The following SLC4A5 variants were observed in gnomAD, a reference collection of about 807,000 sequenced individuals.
SLC4A5 encodes the protein electrogenic sodium bicarbonate cotransporter 4.
In SLC4A5, 96 loss-of-function variants were observed where a neutral mutation model predicts 120.4. The ratio of observed to expected loss-of-function variants is 0.80; its 90% CI spans 0.68 to 0.94. SLC4A5 has a LOEUF of 0.94. Among genes scored for constraint, SLC4A5 ranks in the 40% least tolerant of loss-of-function variants. The pLI is 0.00. For synonymous variants in SLC4A5, 550 were observed against 571.1 expected, an observed-to-expected ratio of 0.96 and a Z score of 0.53; for missense variants, 1,259 against 1,459.5, an observed-to-expected ratio of 0.86 and a Z score of 2.24.
At chr2:74,297,368 C>G (rs1672361406) in intron 7 of SLC4A5, among the ~76,000 whole-genome samples, 1 of 152,192 alleles carries the variant, frequency 6.6e-6, no homozygotes, top group African/African-American at 2.4e-5. Flanking sequence ...TAGGACCGAT[C>G]TGGTTTTAGC....
chr2:74,293,721 A>T (rs931226462), intron 7 of SLC4A5, among the ~76,000 whole-genome samples: 1 of 151,190 alleles, frequency 6.6e-6, no homozygotes, highest in Non-Finnish European at 1.5e-5. Context: ...TAATATAAAC[A>T]ATCTCTCCCC....
At chr2:74,284,907 AT>A (rs1470063959) in intron 8 of SLC4A5, among the ~76,000 whole-genome samples, 4 of 152,008 alleles carry the variant, frequency 2.6e-5, no homozygotes, top group African/African-American at 9.7e-5. Context: ...AGCCCTCTCC[AT>A]CTGGATTTTT....
chr2:74,250,389 G>A lies in SLC4A5; in HGVS notation c.1607C>T (p.Ala536Val), dbSNP rs147719013. 131 of 1,614,128 alleles carry A rather than the reference G, an allele frequency of 8.1e-5. No homozygotes were observed. In the African/African-American group the frequency reaches 1.5e-3, roughly 19 times the overall value. Reference sequence around the variant, plus strand: ...CCCCAGAAGCCCACCAAAGGTGATCGCGTTGGTGATACAGCCGAGGTAGAT... The same window carrying A: ...CCCCAGAAGCCCACCAAAGGTGATCACGTTGGTGATACAGCCGAGGTAGAT... Residue 536 changes from alanine to valine, a missense_variant, in exon 17 of 31, where the codon GCG becomes GTG. Coordinates refer to ENST00000394019, the Ensembl canonical transcript of SLC4A5.
chr2:74,316,692 T>C (rs1672975738), intron 5 of SLC4A5, among the ~76,000 whole-genome samples: 1 of 152,216 alleles, frequency 6.6e-6, no homozygotes, highest in African/African-American at 2.4e-5. Flanking sequence ...TCTTTTCCTC[T>C]AGCAGCTAAG....
chr2:74,325,083 T>C (rs979094180), intron 5 of SLC4A5, among the ~76,000 whole-genome samples: 3 of 152,358 alleles, frequency 2.0e-5, no homozygotes, highest in Admixed American at 6.5e-5. Context: ...TTTCTCATGT[T>C]TGAGTTGGGC....
In SLC4A5 at chr2:74,326,496, G is replaced by A. The variant is rs1673219443; in HGVS notation, c.-3+1624C>T. Among the ~76,000 whole-genome samples, 5 of 152,110 alleles carry A rather than the reference G, an allele frequency of 3.3e-5. No homozygotes were observed. In the South Asian group the frequency reaches 1.0e-3, roughly 32 times the overall value. On this transcript the variant is annotated intron_variant, in intron 5 of 30. Coordinates refer to ENST00000394019, the Ensembl canonical transcript of SLC4A5. ...ACCACTAGCCTGAAATCACATCTGG[G>A]ATCCCTGAGAATCCAAAACCCTACT...
At chr2:74,325,338 A>G (rs1037664562) in intron 5 of SLC4A5, among the ~76,000 whole-genome samples, 9 of 152,224 alleles carry the variant, frequency 5.9e-5, no homozygotes, top group South Asian at 2.1e-4. Context: ...ATATTCAGGT[A>G]GATGCATACC....
intron 12 of SLC4A5, 121 bp from the exon 13 acceptor site, chr2:74,256,053 C>G: frequency 9.2e-7 from 1 of 1,092,748 alleles, no homozygotes; most frequent in Non-Finnish European, 1.3e-6. Flanking sequence ...TGCCAAGAGA[C>G]TGAAAGAATA....
chr2:74,227,496 G>C, intron 26 of SLC4A5: 1 of 1,607,530 alleles, frequency 6.2e-7, no homozygotes, highest in Non-Finnish European at 8.5e-7. Context: ...GGAAGAGAGA[G>C]AGGTACAGTG....
At chr2:74,298,774 A>C (rs900080456) in intron 7 of SLC4A5, among the ~76,000 whole-genome samples, 1 of 152,220 alleles carries the variant, frequency 6.6e-6, no homozygotes, top group South Asian at 2.1e-4. Flanking sequence ...AGCCAGATAC[A>C]GTGGCATGTG....
At chr2:74,329,467 T>TA (rs1249221949) in intron 4 of SLC4A5, among the ~76,000 whole-genome samples, 2 of 152,182 alleles carry the variant, frequency 1.3e-5, no homozygotes, top group Non-Finnish European at 2.9e-5. Context: ...TACATGCCTG[T>TA]AATCCCAGCT....
chr2:74,223,683 T>A (rs1694739839), intron 28 of SLC4A5, among the ~76,000 whole-genome samples: 1 of 152,272 alleles, frequency 6.6e-6, no homozygotes, highest in Admixed American at 6.5e-5. Context: ...GCCACTCAGA[T>A]ATTTATTGAA....
At chr2:74,226,577 C>G (rs751871962) in intron 27 of SLC4A5, among the ~76,000 whole-genome samples, 1 of 152,122 alleles carries the variant, frequency 6.6e-6, no homozygotes, top group African/African-American at 2.4e-5. Flanking sequence ...ATTTAGCTAT[C>G]TTGAATGGTG....
At chr2:74,225,451 C>T (rs1694809811) in intron 27 of SLC4A5, among the ~76,000 whole-genome samples, 1 of 152,086 alleles carries the variant, frequency 6.6e-6, no homozygotes, top group Non-Finnish European at 1.5e-5. Flanking sequence ...CAAAAGTTAG[C>T]CAGGCATGGT....
intron 8 of SLC4A5, among the ~76,000 whole-genome samples, chr2:74,275,473 T>C (rs905464712): frequency 3.9e-5 from 6 of 152,228 alleles, no homozygotes; most frequent in African/African-American, 1.4e-4. Context: ...CGCAGTGGTC[T>C]GCCTCCCTCA....
chr2:74,237,274 C>T (rs1404245272), intron 21 of SLC4A5, among the ~76,000 whole-genome samples: 6 of 152,172 alleles, frequency 3.9e-5, no homozygotes, highest in Non-Finnish European at 5.9e-5. Flanking sequence ...CTGTGCCTGG[C>T]CCAACTGAGC....
intron 6 of SLC4A5, among the ~76,000 whole-genome samples, chr2:74,313,634 T>C (rs1672876785): frequency 6.6e-6 from 1 of 152,176 alleles, no homozygotes. Flanking sequence ...AGGGCACGGG[T>C]GTCAGAATGA....
chr2:74,281,071 G>A (rs1453532142), intron 8 of SLC4A5, among the ~76,000 whole-genome samples: 1 of 152,220 alleles, frequency 6.6e-6, no homozygotes, highest in Non-Finnish European at 1.5e-5. Flanking sequence ...GAGCATCCCT[G>A]CCTATGTGCA....
intron 17 of SLC4A5, among the ~76,000 whole-genome samples, chr2:74,249,426 T>C (rs1314216042): frequency 1.3e-5 from 2 of 152,148 alleles, no homozygotes; most frequent in Admixed American, 1.3e-4. Context: ...AAAAACAGCA[T>C]GTACTTGAAG....
Sources: allele counts gnomAD v4.1 joint callset (sites outside exome capture counted in the v4.1 genomes callset), GRCh38; gene constraint gnomAD v4.1.1; transcripts MANE v1.5; gene names NCBI Gene and HGNC (gene_info 2026-07-23, HGNC 2026-07-21).